RARS2: variants seen among roughly 807,000 people sequenced by gnomAD.
RARS2 encodes the protein probable arginine--tRNA ligase, mitochondrial.
In RARS2, 67 loss-of-function variants were observed where a neutral mutation model predicts 88.5. The ratio of observed to expected loss-of-function variants is 0.76; its 90% confidence interval spans 0.62 to 0.93. RARS2 has a LOEUF of 0.93. RARS2 is among the 40% of genes least tolerant of loss of function. RARS2 has a pLI of 0.00. For missense variants in RARS2, 664 were observed against 684.2 expected, an observed-to-expected ratio of 0.97 and a Z score of 0.33; for synonymous variants, 239 against 230.3, an observed-to-expected ratio of 1.04 and a Z score of -0.34.
chr6:87,589,799 T>A (rs1050563534), intron 1 of RARS2, 123 bp downstream of exon 1: 1 of 1,604,272 alleles, frequency 6.2e-7, no homozygotes, highest in Non-Finnish European at 8.5e-7. Flanking sequence ...GAGGAGGTGG[T>A]AGAAACTAAC....
rs929628076 is a variant in RARS2, at chr6:87,564,234, T to C, written c.111-2A>G. 1.9e-6 allele frequency: 3 copies of C among 1,598,798 alleles called. No individual in the cohort carries two copies. Among genetic ancestry groups the C allele is most frequent in the Non-Finnish European group, 2.6e-6 (3 of 1,166,472 alleles). ...GAAAGCTGAAAATCAGCTACTTCTC[T>C]AAAGACAGACATCGAAACGAGATAG... On this transcript the variant is annotated splice_acceptor_variant, in intron 2 of 19. Transcript: ENST00000369536. LOFTEE classifies it high-confidence loss of function.
At chr6:87,551,049 CAAAAAA>C (rs962888732) in intron 5 of RARS2, among the ~76,000 whole-genome samples, 1 of 150,858 alleles carries the variant, frequency 6.6e-6, no homozygotes, top group Non-Finnish European at 1.5e-5. Flanking sequence ...AAAACAAAAA[CAAAAAA>C]AAACTTTCAC....
chr6:87,572,752 T>C (rs1770173491), intron 1 of RARS2, among the ~76,000 whole-genome samples: 1 of 152,142 alleles, frequency 6.6e-6, no homozygotes, highest in Non-Finnish European at 1.5e-5. Context: ...TCTTACTATA[T>C]TTCATTTGCT....
intron 1 of RARS2, chr6:87,589,590 G>T: frequency 1.2e-6 from 1 of 861,630 alleles, no homozygotes; most frequent in Non-Finnish European, 1.4e-6. Flanking sequence ...TCACTAAAGT[G>T]TAAAGAACAC....
At chr6:87,573,155 C>T (rs1229976628) in intron 1 of RARS2, among the ~76,000 whole-genome samples, 1 of 152,046 alleles carries the variant, frequency 6.6e-6, no homozygotes, top group East Asian at 1.9e-4. Flanking sequence ...ACAGGCTGTA[C>T]AGGAAGCACG....
chr6:87,518,155 G>A lies in RARS2; in HGVS notation c.1511+14C>T. 1 of 1,614,118 alleles carries A rather than the reference G, an allele frequency of 6.2e-7. No individual in the cohort carries two copies. Among genetic ancestry groups the A allele is most frequent in the East Asian group, 2.2e-5 (1 of 44,872 alleles). On this transcript the variant is annotated intron_variant, in intron 17 of 19. Transcript: ENST00000369536. Reference sequence around the variant, plus strand: ...AGCAGAAGCACACTTGATGATCCCTGGAAAACATCATACCTGAGAAGATGC... The same window carrying A: ...AGCAGAAGCACACTTGATGATCCCTAGAAAACATCATACCTGAGAAGATGC...
At chr6:87,517,127 A>G (rs1772027799) in intron 17 of RARS2, among the ~76,000 whole-genome samples, 2 of 152,086 alleles carry the variant, frequency 1.3e-5, no homozygotes, top group African/African-American at 4.8e-5. Context: ...AAAATACAAA[A>G]ATTAGCCAGG....
chr6:87,566,510 AAC>A (rs1767902485), intron 2 of RARS2, among the ~76,000 whole-genome samples: 1 of 152,202 alleles, frequency 6.6e-6, no homozygotes, highest in Non-Finnish European at 1.5e-5. Context: ...AAAAAGACAA[AAC>A]ATCTAAGCTA....
intron 1 of RARS2, among the ~76,000 whole-genome samples, chr6:87,579,311 T>C (rs956194152): frequency 4.6e-5 from 7 of 152,164 alleles, no homozygotes; most frequent in African/African-American, 7.2e-5. Context: ...CAACGTGGGC[T>C]CTGGGCAGAA....
rs142370213 is a variant in RARS2, at chr6:87,516,463, T to C, written c.1586+343A>G. Among the ~76,000 whole-genome samples, 183 of 152,302 alleles carry C rather than the reference T, an allele frequency of 1.2e-3. 2 individuals are homozygous for C. The highest frequency in any genetic ancestry group is 4.1e-3 in the African/African-American group (172 of 41,574). On this transcript the variant is annotated intron_variant, in intron 18 of 19. Transcript: ENST00000369536. ...GGCTTTCTTCTTCTTCCCAGCCACATTCCTTCTGATTAATATCTCCTTTCC... is the reference window on the plus strand; with the variant it reads ...GGCTTTCTTCTTCTTCCCAGCCACACTCCTTCTGATTAATATCTCCTTTCC...
chr6:87,529,636 A>G lies in RARS2; in HGVS notation c.784T>C (p.Tyr262His). The change falls in exon 10 of 20, where the codon TAT becomes CAT. Residue 262 changes from tyrosine to histidine, a missense_variant. Physicochemically the swap from Tyr to His is moderately conservative, Grantham distance 83. Transcript: ENST00000369536. ...YIRVYKRLGV[Y>H]FDEYSGESFY... ...GATTCTCCTGAATATTCATCAAAAT[A>G]TACTCCCAGACGCTAAAAGAGTTCA... The G allele has an allele frequency of 6.3e-7, 1 of 1,598,812 alleles. No individual in the cohort carries two copies. The highest frequency in any genetic ancestry group is 8.6e-7 in the Non-Finnish European group (1 of 1,166,076).
At chr6:87,515,128 A>G in intron 18 of RARS2, 108 bp from the exon 19 acceptor site, 1 of 875,972 alleles carries the variant, frequency 1.1e-6, no homozygotes, top group South Asian at 1.4e-5. Context: ...GCCCAGAACC[A>G]TTAAAGGATG....
intron 5 of RARS2, among the ~76,000 whole-genome samples, chr6:87,549,056 AT>A (rs1222465283): frequency 5.3e-5 from 8 of 151,884 alleles, no homozygotes; most frequent in Admixed American, 3.3e-4. Context: ...TACAAAAAAA[AT>A]TTTTTTTAGT....
intron 5 of RARS2, among the ~76,000 whole-genome samples, chr6:87,555,152 ATAAC>A (rs559350359): frequency 2.7e-3 from 386 of 140,738 alleles, no homozygotes; most frequent in African/African-American, 8.9e-3. Flanking sequence ...AATAAAGTGA[ATAAC>A]TAGTTCTTCC....
intron 8 of RARS2, among the ~76,000 whole-genome samples, chr6:87,532,007 A>G (rs183403476): frequency 6.6e-6 from 1 of 152,340 alleles, no homozygotes; most frequent in East Asian, 1.9e-4. Flanking sequence ...TTATCAAAAC[A>G]TCCGGACAGC....
At chr6:87,569,380 G>A (rs2128187781) in intron 2 of RARS2, 137 bp downstream of exon 2, 2 of 691,814 alleles carry the variant, frequency 2.9e-6, no homozygotes, top group Admixed American at 2.3e-5. Flanking sequence ...AATAGGCTGA[G>A]TATAATGAAT....
At chr6:87,561,880 T>C (rs756896790) in intron 4 of RARS2, among the ~76,000 whole-genome samples, 6 of 152,222 alleles carry the variant, frequency 3.9e-5, no homozygotes, top group African/African-American at 7.2e-5. Flanking sequence ...TTTGGGAATA[T>C]TTTTAATAAG....
chr6:87,518,565 G>A (rs984347965), intron 16 of RARS2, 65 bp downstream of exon 16: 1 of 1,489,584 alleles, frequency 6.7e-7, no homozygotes, highest in African/African-American at 1.4e-5. Flanking sequence ...TCTGGTCTTA[G>A]AATCACAGGA....
chr6:87,569,119 T>G (rs1262858321), intron 2 of RARS2, among the ~76,000 whole-genome samples: 1 of 152,198 alleles, frequency 6.6e-6, no homozygotes, highest in Non-Finnish European at 1.5e-5. Context: ...TAGATAAATA[T>G]GGTACAACAG....
Sources: gnomAD v4.1 joint callset for allele counts (sites outside exome capture counted in the v4.1 genomes callset) on GRCh38, gnomAD v4.1.1 for gene constraint, MANE v1.5 for transcripts, NCBI Gene and HGNC (gene_info 2026-07-23, HGNC 2026-07-21) for gene names.